Variants in DYNC2H1 observed in about 807,000 individuals in gnomAD.
DYNC2H1 encodes the protein cytoplasmic dynein 2 heavy chain 1.
Under a neutral mutation model 570.0 loss-of-function variants are expected in DYNC2H1, and 410 were observed. That is an observed-to-expected ratio of 0.72 (90% CI 0.66 to 0.78). DYNC2H1 has a LOEUF of 0.78. Among genes scored for constraint, DYNC2H1 ranks in the 30% least tolerant of loss-of-function variants. The pLI is 0.00. For missense variants in DYNC2H1, 4,865 were observed against 5,046.4 expected, an observed-to-expected ratio of 0.96 and a Z score of 1.09; for synonymous variants, 1,688 against 1,677.6, an observed-to-expected ratio of 1.01 and a Z score of -0.15.
At chr11:103,336,934 C>A (rs1057220233) in intron 82 of DYNC2H1, among the ~76,000 whole-genome samples, 23 of 152,062 alleles carry the variant, frequency 1.5e-4, no homozygotes, top group Non-Finnish European at 2.6e-4. Flanking sequence ...GGAACAGGCC[C>A]CCAAATCTGG....
intron 79 of DYNC2H1, among the ~76,000 whole-genome samples, chr11:103,315,686 G>GT (rs1937784677): frequency 6.6e-6 from 1 of 151,730 alleles, no homozygotes; most frequent in South Asian, 2.1e-4. Context: ...TTTCATATGT[G>GT]TGAAACATAC....
rs1864560738 is a variant in DYNC2H1, at chr11:103,245,058, C to T, written c.9919-193C>T. ...GAATTCATCATCTTGCCTTTTTTCC[C>T]CATTCAATGTGTGATTCTGAACATA... On this transcript the variant is annotated intron_variant, in intron 64 of 88. Coordinates refer to ENST00000375735, the MANE Select transcript of DYNC2H1 (RefSeq NM_001377.3). The surrounding 1 kb of genome is among the most constrained non-coding windows in gnomAD (Gnocchi z 4.5). 6.6e-6 allele frequency among the ~76,000 whole-genome samples: 1 copy of T among 151,148 alleles called. No individual in the cohort carries two copies. Among genetic ancestry groups the T allele is most frequent in the African/African-American group, 2.4e-5 (1 of 41,210 alleles).
intron 88 of DYNC2H1, among the ~76,000 whole-genome samples, chr11:103,476,852 G>A (rs992369): frequency 0.91 from 137,889 of 152,194 alleles, 63,009 homozygotes; most frequent in Non-Finnish European, 0.98. Flanking sequence ...TTAATTTTCT[G>A]TGAAAGAAAA....
At chr11:103,290,072 A>C (rs1866531698) in intron 75 of DYNC2H1, among the ~76,000 whole-genome samples, 1 of 152,158 alleles carries the variant, frequency 6.6e-6, no homozygotes, top group African/African-American at 2.4e-5. Flanking sequence ...GGATTGAGGC[A>C]CACTCTTGTC....
chr11:103,136,065 A>C (rs1355315863), intron 17 of DYNC2H1, 117 bp downstream of exon 17: 18 of 822,002 alleles, frequency 2.2e-5, no homozygotes, highest in Non-Finnish European at 2.9e-5. Flanking sequence ...AAAATATGGC[A>C]AAGCAGAGAG....
At chr11:103,117,885 T>A (rs2134702661) in intron 6 of DYNC2H1, 22 bp downstream of exon 6, 1 of 1,571,832 alleles carries the variant, frequency 6.4e-7, no homozygotes, top group East Asian at 2.2e-5. Flanking sequence ...ATTATCTAGA[T>A]CTTTGTCTTT....
intron 82 of DYNC2H1, among the ~76,000 whole-genome samples, chr11:103,331,705 A>T (rs190793661): frequency 2.0e-5 from 3 of 152,216 alleles, no homozygotes; most frequent in East Asian, 1.9e-4. Flanking sequence ...CCAGAATAAG[A>T]TAAGACACAG....
chr11:103,359,719 C>A (rs1159712667), intron 83 of DYNC2H1, among the ~76,000 whole-genome samples: 1 of 145,102 alleles, frequency 6.9e-6, no homozygotes, highest in Non-Finnish European at 1.5e-5. Context: ...GGTTGGAAGG[C>A]AATGGCATGA....
At chr11:103,197,893 A>T in intron 47 of DYNC2H1, 40 bp from the exon 48 acceptor site, 1 of 1,543,918 alleles carries the variant, frequency 6.5e-7, no homozygotes, top group Non-Finnish European at 8.8e-7. Context: ...TCTCATTACG[A>T]GTAATGCATA....
intron 69 of DYNC2H1, among the ~76,000 whole-genome samples, chr11:103,258,627 G>C (rs1198244489): frequency 2.0e-5 from 3 of 152,184 alleles, no homozygotes; most frequent in African/African-American, 7.2e-5. Flanking sequence ...AGGAGGCTTG[G>C]CTTTTTCACA....
rs61565760 is a variant in DYNC2H1 at position 103,446,037 on chromosome 11, T to TTTGTTGTTGTTGTTGTTGTTG, written c.12457-9137_12457-9117dup. 8.0e-5 allele frequency among the ~76,000 whole-genome samples: 12 copies of TTTGTTGTTGTTGTTGTTGTTG among 150,590 alleles called. No homozygotes were observed. In the South Asian group the frequency reaches 2.5e-3, roughly 32 times the overall value. ...TGACAATATGGTAATAGAGCAGAGT[T>TTTGTTGTTGTTGTTGTTGTTG]TTGTTGTTGTTGTTGTTGTTGTTGT... is the stretch of plus-strand genomic sequence containing the variant. On this transcript the variant is annotated intron_variant, in intron 85 of 88. Transcript: ENST00000375735. The surrounding 1 kb of genome is among the most constrained non-coding windows in gnomAD (Gnocchi z 4.5).
In DYNC2H1 at chr11:103,121,430, A is replaced by G. The variant is rs549285919; in HGVS notation, c.1419A>G (p.Pro473=). The part of the protein sequence containing the change: ...CRGIPGDASG[P]LSGKNLSEVV... Reference sequence around the variant, plus strand: ...GAATTCCTGGTGATGCATCTGGACCACTTTCTGGCAAAAATCTTTCAGAAG... The same window carrying G: ...GAATTCCTGGTGATGCATCTGGACCGCTTTCTGGCAAAAATCTTTCAGAAG... Residue 473 remains proline, a synonymous_variant, in exon 10 of 89, where the codon CCA becomes CCG. Transcript: ENST00000375735. 3.1e-6 allele frequency: 5 copies of G among 1,613,582 alleles called. No homozygotes were observed. The African/African-American group carries it at 5.3e-5, about 17-fold the overall frequency.
rs574662505 is a variant in DYNC2H1 at position 103,163,441 on chromosome 11, A to G, written c.4611+294A>G. Among the ~76,000 whole-genome samples, 17 of 152,294 alleles carry G rather than the reference A, an allele frequency of 1.1e-4. No homozygotes were observed. Among genetic ancestry groups the G allele is most frequent in the South Asian group, 2.1e-4 (1 of 4,822 alleles). On this transcript the variant is annotated intron_variant, in intron 30 of 88. Transcript: ENST00000375735. This position sits in a 1 kb window ranked among gnomAD's most constrained non-coding sequence, Gnocchi z 4.6. Reference sequence around the variant, plus strand: ...TCATTGATGGAGAATCACAGGATCTATAACACTGTTGTCCCCTACCCGTCC... The same window carrying G: ...TCATTGATGGAGAATCACAGGATCTGTAACACTGTTGTCCCCTACCCGTCC...
intron 83 of DYNC2H1, among the ~76,000 whole-genome samples, chr11:103,384,616 G>T (rs11225756): frequency 3.3e-5 from 5 of 151,126 alleles, no homozygotes; most frequent in Non-Finnish European, 7.4e-5. Flanking sequence ...TATGTTTTTT[G>T]TACATACATA....
chr11:103,184,826 C>T (rs1862000693), intron 40 of DYNC2H1, 70 bp from the exon 41 acceptor site: 3 of 1,517,018 alleles, frequency 2.0e-6, no homozygotes, highest in East Asian at 2.3e-5. Flanking sequence ...GAACATCAGT[C>T]TGTATGGTTC....
intron 82 of DYNC2H1, among the ~76,000 whole-genome samples, chr11:103,340,146 T>G (rs1442357149): frequency 6.6e-6 from 1 of 152,230 alleles, no homozygotes; most frequent in African/African-American, 2.4e-5. Context: ...CACACCTGAT[T>G]TTTTTGTTTT....
At chr11:103,172,572 G>T (rs1198135031) in intron 34 of DYNC2H1, among the ~76,000 whole-genome samples, 1 of 151,580 alleles carries the variant, frequency 6.6e-6, no homozygotes, top group African/African-American at 2.4e-5. Flanking sequence ...CTATTCTTAG[G>T]GTTTTGCTGA....
chr11:103,343,795 C>T (rs967196979), intron 82 of DYNC2H1, among the ~76,000 whole-genome samples: 1 of 152,204 alleles, frequency 6.6e-6, no homozygotes, highest in Non-Finnish European at 1.5e-5. Context: ...AATTTGGTAA[C>T]TGCCAGTTTT....
In DYNC2H1 at chr11:103,153,515, T is replaced by A. The variant is rs538142742; in HGVS notation, c.3302+7T>A. 1.9e-6 allele frequency: 3 copies of A among 1,548,074 alleles called. No individual in the cohort carries two copies. In the South Asian group the frequency reaches 3.8e-5, roughly 20 times the overall value. On this transcript the variant is annotated splice_region_variant and intron_variant, in intron 22 of 88. Coordinates refer to ENST00000375735, the MANE Select transcript of DYNC2H1 (RefSeq NM_001377.3). ...TCACAAGAAAAAAGCTGGTGTATGTTTTTTCTTTAAAATTGATAGTGCTTA... is the reference window on the plus strand; with the variant it reads ...TCACAAGAAAAAAGCTGGTGTATGTATTTTCTTTAAAATTGATAGTGCTTA...
Sources: allele counts gnomAD v4.1 joint callset (sites outside exome capture counted in the v4.1 genomes callset), GRCh38; gene constraint gnomAD v4.1.1; non-coding constraint Gnocchi (gnomAD v3.1); transcripts MANE v1.5; gene names NCBI Gene and HGNC (gene_info 2026-07-23, HGNC 2026-07-21).